Variants in LRRC4C observed in about 807,000 individuals in gnomAD.
LRRC4C encodes leucine-rich repeat-containing protein 4C.
Under a neutral mutation model 33.6 loss-of-function variants are expected in LRRC4C, and 5 were observed. The ratio of observed to expected loss-of-function variants is 0.15; its 90% CI spans 0.08 to 0.31. The LOEUF (loss-of-function observed/expected upper bound fraction) is 0.31. Ranked by LOEUF, LRRC4C falls within the 10% of genes least tolerant of loss-of-function variation. The probability of loss-of-function intolerance (pLI) is 1.00; values close to 1 mark genes in which losing one functional copy is unlikely to be tolerated. For missense variants in LRRC4C, 560 were observed against 796.7 expected (o/e 0.70, Z 3.58); for synonymous variants, 329 against 302.0 (o/e 1.09, Z -0.93).
chr11:40,331,614 T>C (rs564766243), intron 3 of LRRC4C, among the ~76,000 whole-genome samples: 24 of 152,328 alleles, frequency 1.6e-4, no homozygotes, highest in South Asian at 4.1e-4. Flanking sequence ...CTCACCAGTG[T>C]GGGCAGGCAT....
intron 2 of LRRC4C, among the ~76,000 whole-genome samples, chr11:40,730,904 A>G (rs1406047141): frequency 6.6e-6 from 1 of 152,176 alleles, no homozygotes; most frequent in Non-Finnish European, 1.5e-5. Flanking sequence ...CTCATGTTGA[A>G]ATGTGATCCC....
At chr11:41,454,560 T>C (rs1000962785) in intron 1 of LRRC4C, among the ~76,000 whole-genome samples, 3 of 152,150 alleles carry the variant, frequency 2.0e-5, no homozygotes, top group Non-Finnish European at 4.4e-5. Flanking sequence ...CACCTCTTGC[T>C]GACATCTGAA....
At chr11:40,749,764 A>G (rs1288444822) in intron 2 of LRRC4C, among the ~76,000 whole-genome samples, 1 of 152,086 alleles carries the variant, frequency 6.6e-6, no homozygotes, top group Non-Finnish European at 1.5e-5. Context: ...CAAATAAACA[A>G]AACCAGAAAT....
At chr11:41,450,302 C>T (rs1955977259) in intron 1 of LRRC4C, among the ~76,000 whole-genome samples, 1 of 151,988 alleles carries the variant, frequency 6.6e-6, no homozygotes, top group East Asian at 1.9e-4. Context: ...TTTCTAAGCT[C>T]TCTGGCAATA....
chr11:40,455,872 T>G (rs2138132812), intron 3 of LRRC4C, among the ~76,000 whole-genome samples: 1 of 152,254 alleles, frequency 6.6e-6, no homozygotes, highest in African/African-American at 2.4e-5. Context: ...TCTTCAAATT[T>G]TAAACTGCAT....
intron 1 of LRRC4C, among the ~76,000 whole-genome samples, chr11:41,229,844 CT>C (rs1393006887): frequency 2.6e-5 from 4 of 152,064 alleles, no homozygotes; most frequent in Non-Finnish European, 5.9e-5. Context: ...CCTTTGATTA[CT>C]GATCTTACCT....
intron 1 of LRRC4C, among the ~76,000 whole-genome samples, chr11:41,034,640 A>ATATATATAT (rs1565321331): frequency 3.0e-4 from 36 of 119,142 alleles, no homozygotes; most frequent in South Asian, 2.8e-4. Context: ...TATATATATG[A>ATATATATAT]GGTGAGAGTT....
Position 40,270,804 on chromosome 11 carries a change from T to A in LRRC4C, c.-175-29206A>T, listed in dbSNP as rs1004189978. Among the ~76,000 whole-genome samples the A allele has an allele frequency of 2.0e-5, 3 of 152,162 alleles. No homozygotes were observed. The East Asian group carries it at 5.8e-4, about 29-fold the overall frequency. On this transcript the variant is annotated intron_variant, in intron 4 of 6. Transcript: ENST00000528697. ...AAAACTTCTGCTACCACAGCATCTA[T>A]AGCTGCAACTAATTCGATCATTGAC...
intron 1 of LRRC4C, among the ~76,000 whole-genome samples, chr11:40,981,577 A>G (rs552802073): frequency 6.6e-6 from 1 of 152,298 alleles, no homozygotes; most frequent in South Asian, 2.1e-4. Flanking sequence ...GTCCAGACAA[A>G]AGTTTTCCTG....
chr11:40,546,119 T>C (rs1956912062), intron 3 of LRRC4C, among the ~76,000 whole-genome samples: 1 of 150,816 alleles, frequency 6.6e-6, no homozygotes, highest in South Asian at 2.1e-4. Flanking sequence ...CCTTCCTTCC[T>C]TCCTTCCTTC....
intron 2 of LRRC4C, among the ~76,000 whole-genome samples, chr11:40,904,063 A>G (rs1437876426): frequency 6.6e-6 from 1 of 152,202 alleles, no homozygotes; most frequent in Non-Finnish European, 1.5e-5. Context: ...AATTGCTGCA[A>G]TGTCAGAATC....
chr11:41,416,416 T>C (rs1326735882), intron 1 of LRRC4C, among the ~76,000 whole-genome samples: 1 of 152,012 alleles, frequency 6.6e-6, no homozygotes, highest in Non-Finnish European at 1.5e-5. Context: ...TCCTAAAACT[T>C]GGTTGGCAAA....
chr11:40,823,672 A>G (rs1952037175), intron 2 of LRRC4C, among the ~76,000 whole-genome samples: 1 of 151,750 alleles, frequency 6.6e-6, no homozygotes, highest in African/African-American at 2.4e-5. Context: ...TCTAACAAAA[A>G]CGATAGATAA....
intron 3 of LRRC4C, among the ~76,000 whole-genome samples, chr11:40,538,565 C>T (rs1438056703): frequency 6.6e-6 from 1 of 152,176 alleles, no homozygotes; most frequent in Non-Finnish European, 1.5e-5. Context: ...CAAGTCTTTG[C>T]TATTGTGAAT....
chr11:41,415,486 T>C (rs1020425043), intron 1 of LRRC4C, among the ~76,000 whole-genome samples: 3 of 152,150 alleles, frequency 2.0e-5, no homozygotes, highest in Non-Finnish European at 4.4e-5. Context: ...TAATTCACTA[T>C]GTGACTTGGG....
intron 1 of LRRC4C, among the ~76,000 whole-genome samples, chr11:41,458,773 C>T (rs570043201): frequency 6.6e-6 from 1 of 151,970 alleles, no homozygotes; most frequent in Non-Finnish European, 1.5e-5. Flanking sequence ...TCAGGGGACA[C>T]TGCATTCCAA....
At chr11:40,130,885 T>A (rs913417525) in intron 6 of LRRC4C, among the ~76,000 whole-genome samples, 2 of 152,208 alleles carry the variant, frequency 1.3e-5, no homozygotes, top group Admixed American at 6.5e-5. Context: ...GATTTTTTTT[T>A]AAATCAAAAT....
intron 1 of LRRC4C, among the ~76,000 whole-genome samples, chr11:41,151,674 C>T (rs1944005852): frequency 6.6e-6 from 1 of 152,102 alleles, no homozygotes; most frequent in Non-Finnish European, 1.5e-5. Context: ...CTGGCATGTA[C>T]AGTATATATT....
chr11:40,853,146 T>A (rs1043574999), intron 2 of LRRC4C, among the ~76,000 whole-genome samples: 4 of 152,144 alleles, frequency 2.6e-5, no homozygotes, highest in Non-Finnish European at 4.4e-5. Flanking sequence ...GTGCTGTTGG[T>A]GTAAACTAAC....
Sources: gnomAD v4.1 joint callset for allele counts (sites outside exome capture counted in the v4.1 genomes callset) on GRCh38, gnomAD v4.1.1 for gene constraint, MANE v1.5 for transcripts, NCBI Gene and HGNC (gene_info 2026-07-23, HGNC 2026-07-21) for gene names.